The following TMC1 variants were observed in gnomAD, a reference collection of about 807,000 sequenced individuals.
TMC1 encodes the protein transmembrane channel-like protein 1.
Under a neutral mutation model 105.8 loss-of-function variants are expected in TMC1, and 84 were observed. That is an observed-to-expected ratio of 0.79 (90% CI 0.67 to 0.95). The LOEUF (loss-of-function observed/expected upper bound fraction) is 0.95, where lower values mean the gene tolerates loss of function less well. Ranked by LOEUF, TMC1 falls within the 40% of genes least tolerant of loss-of-function variation. TMC1 has a pLI of 0.00. For synonymous variants in TMC1, 315 were observed against 311.5 expected (o/e 1.01, Z -0.12); for missense variants, 817 against 914.1 (o/e 0.89, Z 1.37).
At chr9:72,793,381 G>A (rs1828308764) in intron 17 of TMC1, among the ~76,000 whole-genome samples, 1 of 152,164 alleles carries the variant, frequency 6.6e-6, no homozygotes, top group Non-Finnish European at 1.5e-5. Flanking sequence ...GCTCCTGGGG[G>A]AAAGTGTGGG....
chr9:72,704,049 C>T (rs142060469), intron 8 of TMC1, among the ~76,000 whole-genome samples: 17 of 152,310 alleles, frequency 1.1e-4, no homozygotes, highest in South Asian at 2.1e-4. Flanking sequence ...CTTCACAGAA[C>T]GTGCAGGTAA....
At chr9:72,730,013 C>T (rs1827182819) in intron 8 of TMC1, among the ~76,000 whole-genome samples, 1 of 152,208 alleles carries the variant, frequency 6.6e-6, no homozygotes, top group South Asian at 2.1e-4. Context: ...CTTCACCCTC[C>T]TGGCTTATTT....
chr9:72,641,266 G>T (rs1253742930), intron 4 of TMC1, among the ~76,000 whole-genome samples: 1 of 151,968 alleles, frequency 6.6e-6, no homozygotes, highest in Non-Finnish European at 1.5e-5. Flanking sequence ...ACTAATTTTT[G>T]TATTTTTAGT....
intron 1 of TMC1, among the ~76,000 whole-genome samples, chr9:72,536,384 G>A (rs980223986): frequency 6.6e-6 from 1 of 152,202 alleles, no homozygotes; most frequent in Non-Finnish European, 1.5e-5. Flanking sequence ...CCAGGCTGGA[G>A]TGCAGTGGTG....
chr9:72,619,805 CTTAT>C (rs997129800), intron 3 of TMC1, among the ~76,000 whole-genome samples: 6 of 148,988 alleles, frequency 4.0e-5, no homozygotes, highest in Admixed American at 1.3e-4. Flanking sequence ...TCTAATTTAA[CTTAT>C]TTAATTAATT....
At chr9:72,594,306 T>C (rs1483625817) in intron 2 of TMC1, among the ~76,000 whole-genome samples, 1 of 152,164 alleles carries the variant, frequency 6.6e-6, no homozygotes, top group Non-Finnish European at 1.5e-5. Flanking sequence ...GGCAGTAAAT[T>C]GTGGGAATTC....
At chr9:72,581,229 G>A (rs1048874899) in intron 2 of TMC1, among the ~76,000 whole-genome samples, 1 of 152,148 alleles carries the variant, frequency 6.6e-6, no homozygotes, top group East Asian at 1.9e-4. Context: ...CTAGCATAAG[G>A]GGAAATAGAA....
chr9:72,598,994 G>C (rs1444260626), intron 2 of TMC1, among the ~76,000 whole-genome samples: 1 of 152,144 alleles, frequency 6.6e-6, no homozygotes, highest in Non-Finnish European at 1.5e-5. Flanking sequence ...GCTTAACTAG[G>C]AGAGGGAATG....
At chr9:72,596,898 A>T (rs1824730309) in intron 2 of TMC1, among the ~76,000 whole-genome samples, 1 of 152,364 alleles carries the variant, frequency 6.6e-6, no homozygotes, top group Middle Eastern at 3.4e-3. Flanking sequence ...CTTATGAGAT[A>T]CCTGACTGTC....
At chr9:72,774,341 CAA>C (rs1324180620) in intron 13 of TMC1, among the ~76,000 whole-genome samples, 3 of 152,052 alleles carry the variant, frequency 2.0e-5, no homozygotes, top group Admixed American at 1.3e-4. Context: ...TGCTTTAACT[CAA>C]TATATCAAAA....
chr9:72,761,889 A>G (rs1564537521), intron 12 of TMC1, among the ~76,000 whole-genome samples: 1 of 152,200 alleles, frequency 6.6e-6, no homozygotes. Flanking sequence ...GGAATAACAC[A>G]TCTTTTGTTT....
chr9:72,640,427 G>C (rs1825607088), intron 4 of TMC1, among the ~76,000 whole-genome samples: 2 of 152,092 alleles, frequency 1.3e-5, no homozygotes, highest in Admixed American at 6.5e-5. Context: ...TCATCATGGG[G>C]GTGAGCAGCC....
intron 1 of TMC1, among the ~76,000 whole-genome samples, chr9:72,566,594 G>A (rs1433932577): frequency 2.0e-5 from 3 of 152,134 alleles, no homozygotes; most frequent in Non-Finnish European, 2.9e-5. Context: ...ATAATGCTGC[G>A]TTGTGAAAGG....
At chr9:72,767,868 C>T (rs1827864304) in intron 12 of TMC1, among the ~76,000 whole-genome samples, 1 of 152,140 alleles carries the variant, frequency 6.6e-6, no homozygotes, top group South Asian at 2.1e-4. Context: ...TAGTCACTTC[C>T]AGATGTCTGC....
At chr9:72,807,268 G>A (rs535567567) in intron 18 of TMC1, among the ~76,000 whole-genome samples, 94 of 152,264 alleles carry the variant, frequency 6.2e-4, no homozygotes, top group Admixed American at 1.8e-3. Flanking sequence ...GGAGACCATG[G>A]GGAGAGGGAG....
At chr9:72,586,081 G>T in intron 2 of TMC1, among the ~76,000 whole-genome samples, 3 of 152,280 alleles carry the variant, frequency 2.0e-5, no homozygotes, top group Middle Eastern at 6.8e-3. Flanking sequence ...ATTTCAACAT[G>T]CACTAATATA....
rs73651604 is a variant in TMC1 at position 72,586,766 on chromosome 9, C to T, written c.-306+8743C>T. ...TCAAAACTCTAGGCAGATCTTTGCA[C>T]CTGCCCTACTTTTCTACCTGCTCTC... On this transcript the variant is annotated intron_variant, in intron 2 of 23. Transcript: ENST00000297784. Among the ~76,000 whole-genome samples, 1,514 of 152,278 alleles carry T rather than the reference C, an allele frequency of 9.9e-3. 37 individuals are homozygous for T. Among genetic ancestry groups the T allele is most frequent in the African/African-American group, 0.035 (1,464 of 41,530 alleles).
At chr9:72,528,526 G>T (rs1032972784) in intron 1 of TMC1, among the ~76,000 whole-genome samples, 1 of 151,922 alleles carries the variant, frequency 6.6e-6, no homozygotes, top group African/African-American at 2.4e-5. Context: ...TAGAGACAGG[G>T]TTTCTCCATG....
Position 72,583,263 on chromosome 9 carries a change from C to T in TMC1, c.-306+5240C>T, listed in dbSNP as rs534279561. Among the ~76,000 whole-genome samples the T allele has an allele frequency of 2.4e-3, 360 of 151,954 alleles. 4 individuals carry two copies. The highest frequency in any genetic ancestry group is 8.3e-3 in the African/African-American group (345 of 41,426). On this transcript the variant is annotated intron_variant, in intron 2 of 23. Coordinates refer to ENST00000297784, the MANE Select transcript of TMC1 (RefSeq NM_138691.3). The stretch of plus-strand genomic sequence containing the variant: ...AACAAAAACAACCCCTTCCCCTCCA[C>T]GAAAGAAAACCCCAAATAAACAGAC...
Sources: allele counts gnomAD v4.1 joint callset (sites outside exome capture counted in the v4.1 genomes callset), GRCh38; gene constraint gnomAD v4.1.1; transcripts MANE v1.5; gene names NCBI Gene and HGNC (gene_info 2026-07-23, HGNC 2026-07-21).